The following PDGFRB variants were observed in gnomAD, a reference collection of about 807,000 sequenced individuals.
PDGFRB encodes platelet-derived growth factor receptor beta.
Under a neutral mutation model 120.2 loss-of-function variants are expected in PDGFRB, and 42 were observed. The ratio of observed to expected loss-of-function variants is 0.35; its 90% confidence interval spans 0.27 to 0.45. The LOEUF is 0.45. PDGFRB is among the 20% of genes least tolerant of loss of function. PDGFRB has a pLI of 1.00. For synonymous variants in PDGFRB, 586 were observed against 606.8 expected (o/e 0.97, Z 0.50); for missense variants, 1,149 against 1,476.3 (o/e 0.78, Z 3.63).
In PDGFRB at chr5:150,126,457, G is replaced by C. The variant is rs559366329; in HGVS notation, c.1674+63C>G. On this transcript the variant is annotated intron_variant, in intron 11 of 22. Coordinates refer to ENST00000261799, the MANE Select transcript of PDGFRB (RefSeq NM_002609.4). ...ACGCAGCATTCAAGGAGGGCAGAGG[G>C]GTGGAATTTATGCAAAATAATGATG... The C allele has an allele frequency of 1.6e-5, 14 of 889,638 alleles. No homozygotes were observed. In the East Asian group the frequency reaches 3.4e-4, roughly 21 times the overall value. The allele number at this position is 889,638 out of a possible 1,614,324, so 55.1% of individuals were successfully genotyped here.
rs527822357 is a variant in PDGFRB, at chr5:150,124,185, T to G, written c.2023+65A>C. On this transcript the variant is annotated intron_variant, in intron 14 of 22. Transcript: ENST00000261799. ...TGTTGTGCAAGGCCTGAGGGGGGGG[T>G]AGGCGGGGCCTGGCCTTGGTGGTGG... The G allele has an allele frequency of 3.1e-5, 33 of 1,048,702 alleles. No homozygotes were observed. The African/African-American group carries it at 4.3e-4, about 14-fold the overall frequency. 65.0% of individuals were successfully genotyped at this position (1,048,702 alleles called of 1,614,324 possible). A position where few individuals can be genotyped will look rare whatever the true frequency, so the allele number is the denominator to read the frequency against.
chr5:150,155,697 C>T lies in PDGFRB; in HGVS notation c.-307G>A, dbSNP rs1003795599. On this transcript the variant is annotated 5_prime_UTR_variant, in exon 1 of 23. Transcript: ENST00000261799. ...GGGCCGCCCTGGGTCTGGCTGTCTG[C>T]GTTGGGCAGGGCGAGCACAGGCTGC... 3.8e-5 allele frequency: 15 copies of T among 398,556 alleles called. No homozygotes were observed. Among genetic ancestry groups the T allele is most frequent in the African/African-American group, 1.4e-4 (7 of 48,628 alleles). 24.7% of individuals were successfully genotyped at this position (398,556 alleles called of 1,614,324 possible).
Position 150,134,770 on chromosome 5 carries a change from T to C in PDGFRB, c.611A>G (p.Tyr204Cys). The C allele has an allele frequency of 6.2e-7, 1 of 1,613,460 alleles. No homozygotes were observed. The highest frequency in any genetic ancestry group is 1.1e-5 in the South Asian group (1 of 90,944). The change falls in exon 4 of 23, where the codon TAC (tyrosine) becomes TGC (cysteine). Residue 204 changes from tyrosine to cysteine, a missense_variant. Tyr to Cys is a radical substitution (Grantham distance 194). This residue lies in a region of PDGFRB where 879 missense variants were observed against 1,108.6 expected (regional missense o/e 0.79). Coordinates refer to ENST00000261799, the MANE Select transcript of PDGFRB (RefSeq NM_002609.4). ...IGDREVDSDA[Y>C]YVYRLQVSSI... ...CTCACCCTGGAGTCTGTAGACATAGTAGGCATCAGAATCCACCTCCCTGTC... is the reference window on the plus strand; with the variant it reads ...CTCACCCTGGAGTCTGTAGACATAGCAGGCATCAGAATCCACCTCCCTGTC...
intron 1 of PDGFRB, among the ~76,000 whole-genome samples, chr5:150,151,514 G>A (rs916311359): frequency 1.3e-5 from 2 of 152,208 alleles, no homozygotes; most frequent in African/African-American, 4.8e-5. Flanking sequence ...CGCCACTTCC[G>A]AGCTGTGGGA....
Position 150,121,233 on chromosome 5 carries a change from T to C in PDGFRB, c.2434A>G (p.Asn812Asp). ...TTGGAGGCCAGAAACTCCATGCCAT[T>C]GGCCACCTGGTAGCTGAAGCCCACG... ...DLVGFSYQVANGMEFLASKNC... is the reference protein window; with the variant it reads ...DLVGFSYQVADGMEFLASKNC... Residue 812 changes from asparagine (N) to aspartate (D), a missense_variant, in exon 17 of 23, where the codon AAT becomes GAT. Asn to Asp is a conservative substitution (Grantham distance 23). This residue lies in a region of PDGFRB where 879 missense variants were observed against 1,108.6 expected (regional missense o/e 0.79). Transcript: ENST00000261799. This position sits in a 1 kb window ranked among gnomAD's most constrained non-coding sequence, Gnocchi z 4.1. 6.3e-7 allele frequency: 1 copy of C among 1,594,982 alleles called. No individual in the cohort carries two copies. Among genetic ancestry groups the C allele is most frequent in the Non-Finnish European group, 8.6e-7 (1 of 1,162,476 alleles).
intron 1 of PDGFRB, among the ~76,000 whole-genome samples, chr5:150,154,121 A>G (rs1761158940): frequency 6.6e-6 from 1 of 152,204 alleles, no homozygotes; most frequent in Admixed American, 6.5e-5. Flanking sequence ...CACAAAGTGC[A>G]TGGCTAGCAC....
intron 1 of PDGFRB, among the ~76,000 whole-genome samples, chr5:150,151,285 G>A (rs1053294469): frequency 6.6e-6 from 1 of 152,162 alleles, no homozygotes; most frequent in African/African-American, 2.4e-5. Context: ...CAACCTCCTC[G>A]TTTGACTGAT....
intron 8 of PDGFRB, among the ~76,000 whole-genome samples, chr5:150,131,302 C>G (rs886314941): frequency 1.3e-5 from 2 of 152,168 alleles, no homozygotes; most frequent in Non-Finnish European, 2.9e-5. Context: ...CAGCCCTGTT[C>G]CAACCACACA....
rs41287110 is a variant in PDGFRB, at chr5:150,129,883, C to T, written c.1453G>A (p.Glu485Lys). Reference protein sequence around the residue: ...QLETNVTYWEEEQEFEVVSTL... With the variant: ...QLETNVTYWEKEQEFEVVSTL... ...CTCACCACCTCAAACTCCTGCTCCTCCTCCCAGTACGTCACGTTAGTCTCC... is the reference window on the plus strand; with the variant it reads ...CTCACCACCTCAAACTCCTGCTCCTTCTCCCAGTACGTCACGTTAGTCTCC... Residue 485 changes from glutamate (E) to lysine (K), a missense_variant, in exon 10 of 23, where the codon GAG (glutamate) becomes AAG (lysine). By Grantham distance (56) the Glu-to-Lys change is moderately conservative (BLOSUM62 1). This residue lies in a region of PDGFRB where 879 missense variants were observed against 1,108.6 expected (regional missense o/e 0.79). Transcript: ENST00000261799. 36,951 of 1,614,120 alleles carry T rather than the reference C, an allele frequency of 0.023. 484 individuals carry two copies. Among genetic ancestry groups the T allele is most frequent in the Middle Eastern group, 0.038 (232 of 6,062 alleles).
rs1434449300 is a variant in PDGFRB at position 150,120,870 on chromosome 5, G to T, written c.2586+18C>A. 1 of 1,611,690 alleles carries T rather than the reference G, an allele frequency of 6.2e-7. No individual in the cohort carries two copies. Among genetic ancestry groups the T allele is most frequent in the East Asian group, 2.2e-5 (1 of 44,850 alleles). On this transcript the variant is annotated intron_variant, in intron 18 of 22. Coordinates refer to ENST00000261799, the MANE Select transcript of PDGFRB (RefSeq NM_002609.4). This position sits in a 1 kb window ranked among gnomAD's most constrained non-coding sequence, Gnocchi z 4.3. ...CAGGCACTGTGACTGCCCTGCAGGG[G>T]CCAGGGAAGGTACTCACGCTGCCTT...
In PDGFRB at chr5:150,133,979, C is replaced by T. The variant is rs770718375; in HGVS notation, c.661G>A (p.Val221Met). 34 of 1,613,880 alleles carry T rather than the reference C, an allele frequency of 2.1e-5. No individual in the cohort carries two copies. In the East Asian group the frequency reaches 7.4e-4, roughly 35 times the overall value. The change falls in exon 5 of 23, where the codon GTG (valine) becomes ATG (methionine). Residue 221 changes from valine (V) to methionine (M), a missense_variant. Around this residue, in one of 3 missense-constraint regions of PDGFRB, gnomAD observed 879 missense variants for 1,108.6 expected, o/e 0.79. Transcript: ENST00000261799. ...VSSINVSVNA[V>M]QTVVRQGENI... ...TCACCCTGGCGGACCACAGTCTGCA[C>T]TGCGTTCACAGAGACGTTGATGGAT...
intron 14 of PDGFRB, 141 bp downstream of exon 14, chr5:150,124,109 G>A (rs769753016): frequency 1.6e-5 from 8 of 516,012 alleles, no homozygotes; most frequent in Non-Finnish European, 2.4e-5. Context: ...CTGGGACCGC[G>A]CAGTGAGGGC....
Position 150,131,983 on chromosome 5 carries a change from G to C in PDGFRB, c.1239C>G (p.Ile413Met). 6.5e-7 allele frequency: 1 copy of C among 1,543,792 alleles called. No individual in the cohort carries two copies. The highest frequency in any genetic ancestry group is 9.0e-7 in the Non-Finnish European group (1 of 1,115,922). Residue 413 changes from isoleucine (I) to methionine (M), a missense_variant, in exon 8 of 23, where the codon ATC (isoleucine) becomes ATG (methionine). Around this residue, in one of 3 missense-constraint regions of PDGFRB, gnomAD observed 879 missense variants for 1,108.6 expected, o/e 0.79. Coordinates refer to ENST00000261799, the MANE Select transcript of PDGFRB (RefSeq NM_002609.4). The stretch of plus-strand genomic sequence containing the variant: ...GGCGAGGGGCGTGCTCATCACCATT[G>C]ATCTGTAGCTGGAAGGAGAGCTGGA... ...AEVQLSFQLQ[I>M]NVPVRVLELS... is the part of the protein sequence containing the mutation.
At chr5:150,138,856 AG>A (rs1760707100) in intron 1 of PDGFRB, among the ~76,000 whole-genome samples, 1 of 152,050 alleles carries the variant, frequency 6.6e-6, no homozygotes, top group Admixed American at 6.5e-5. Flanking sequence ...AGGCTGGGGG[AG>A]GGGGTCACTT....
chr5:150,143,157 T>C (rs1486874796), intron 1 of PDGFRB, among the ~76,000 whole-genome samples: 2 of 152,226 alleles, frequency 1.3e-5, no homozygotes, highest in Non-Finnish European at 2.9e-5. Flanking sequence ...GTGCAAGATT[T>C]CATCACACTA....
chr5:150,119,513 T>C lies in PDGFRB; in HGVS notation c.2752A>G (p.Lys918Glu). The C allele has an allele frequency of 6.2e-7, 1 of 1,613,536 alleles. No homozygotes were observed. Among genetic ancestry groups the C allele is most frequent in the South Asian group, 1.1e-5 (1 of 91,072 alleles). ...PMNEQFYNAI[K>E]RGYRMAQPAH... ...GGCTGGGCCATGCGGTAACCCCGTT[T>C]GATGGCATTGTAGAACTGCTCGTTC... The change falls in exon 20 of 23, where the codon AAA (lysine) becomes GAA (glutamate). Residue 918 changes from lysine to glutamate, a missense_variant. Physicochemically the swap from Lys to Glu is moderately conservative, Grantham distance 56 (BLOSUM62 1). Coordinates refer to ENST00000261799, the MANE Select transcript of PDGFRB (RefSeq NM_002609.4).
intron 1 of PDGFRB, among the ~76,000 whole-genome samples, chr5:150,148,116 G>T (rs905588119): frequency 6.6e-6 from 1 of 152,196 alleles, no homozygotes; most frequent in African/African-American, 2.4e-5. Flanking sequence ...GCTCAGTGAG[G>T]AGTGTCTCAT....
chr5:150,148,654 A>G (rs536499347), intron 1 of PDGFRB, among the ~76,000 whole-genome samples: 3 of 152,314 alleles, frequency 2.0e-5, no homozygotes, highest in East Asian at 1.9e-4. Flanking sequence ...CTGAGTCCCA[A>G]TTTCCTGGGA....
rs549779854 is a variant in PDGFRB, at chr5:150,137,758, C to A, written c.-6-705G>T. On this transcript the variant is annotated intron_variant, in intron 1 of 22. Transcript: ENST00000261799. ...ACCAGTGAAGCCAGGCTCCCCCCACCCCCACCCCCAGGGTGCAGATGGGGA... is the reference window on the plus strand; with the variant it reads ...ACCAGTGAAGCCAGGCTCCCCCCACACCCACCCCCAGGGTGCAGATGGGGA... Among the ~76,000 whole-genome samples, 11 of 152,312 alleles carry A rather than the reference C, an allele frequency of 7.2e-5. No homozygotes were observed. The East Asian group carries it at 1.9e-3, about 27-fold the overall frequency.
Sources: allele counts gnomAD v4.1 joint callset (sites outside exome capture counted in the v4.1 genomes callset), GRCh38; gene constraint gnomAD v4.1.1; regional missense constraint gnomAD v4.1.1; non-coding constraint Gnocchi (gnomAD v3.1); transcripts MANE v1.5; gene names NCBI Gene and HGNC (gene_info 2026-07-23, HGNC 2026-07-21).